Variants in CAMTA1 observed in about 807,000 individuals in gnomAD.
CAMTA1 encodes calmodulin binding transcription activator 1.
In CAMTA1, 27 loss-of-function variants were observed where a neutral mutation model predicts 170.9. That is an observed-to-expected ratio of 0.16 (90% CI 0.12 to 0.22). CAMTA1 has a LOEUF of 0.22. CAMTA1 is among the 10% of genes least tolerant of loss of function. The pLI is 1.00. For missense variants in CAMTA1, 1,619 were observed against 2,217.2 expected (o/e 0.73, Z 5.42); for synonymous variants, 833 against 891.5 (o/e 0.93, Z 1.17).
chr1:7,450,805 C>A (rs1259408948), intron 5 of CAMTA1, among the ~76,000 whole-genome samples: 1 of 152,228 alleles, frequency 6.6e-6, no homozygotes, highest in Non-Finnish European at 1.5e-5. Flanking sequence ...GGACCCATCA[C>A]AAGGCAGATA....
chr1:7,163,062 G>T (rs1337925740), intron 4 of CAMTA1, among the ~76,000 whole-genome samples: 1 of 152,002 alleles, frequency 6.6e-6, no homozygotes, highest in Non-Finnish European at 1.5e-5. Context: ...CTTCAAGATT[G>T]TGTAACAATA....
intron 5 of CAMTA1, among the ~76,000 whole-genome samples, chr1:7,335,004 A>C (rs377131628): frequency 1.0e-3 from 158 of 152,282 alleles, no homozygotes; most frequent in African/African-American, 3.7e-3. Flanking sequence ...GCTGAAGCTC[A>C]TACAGATCCC....
At chr1:7,369,913 A>C (rs1162566781) in intron 5 of CAMTA1, among the ~76,000 whole-genome samples, 2 of 152,212 alleles carry the variant, frequency 1.3e-5, no homozygotes, top group Non-Finnish European at 2.9e-5. Context: ...TGAATAGAGT[A>C]CTATGTAGGA....
At chr1:7,235,509 C>G (rs891489136) in intron 4 of CAMTA1, among the ~76,000 whole-genome samples, 1 of 152,140 alleles carries the variant, frequency 6.6e-6, no homozygotes, top group African/African-American at 2.4e-5. Context: ...CGCCTGTTGT[C>G]TCAGCTACTT....
chr1:7,057,215 T>G (rs1707475043), intron 3 of CAMTA1, among the ~76,000 whole-genome samples: 1 of 152,146 alleles, frequency 6.6e-6, no homozygotes. Context: ...GAATCCTATC[T>G]CCAGTTTTGC....
intron 9 of CAMTA1, among the ~76,000 whole-genome samples, chr1:7,667,992 A>AAT (rs2096016390): frequency 1.3e-5 from 2 of 152,278 alleles, no homozygotes; most frequent in African/African-American, 4.8e-5. Context: ...ACACCACAGC[A>AAT]GGGGTGCCCC....
At chr1:7,297,735 T>C (rs1674175646) in intron 5 of CAMTA1, among the ~76,000 whole-genome samples, 1 of 152,258 alleles carries the variant, frequency 6.6e-6, no homozygotes. Context: ...CTGTGCCCCA[T>C]CGTCCTGCAT....
At chr1:7,450,577 C>T (rs879529027) in intron 5 of CAMTA1, among the ~76,000 whole-genome samples, 2 of 152,244 alleles carry the variant, frequency 1.3e-5, no homozygotes, top group Non-Finnish European at 1.5e-5. Context: ...CTGCAGGCCC[C>T]ACCGCCTGCC....
intron 6 of CAMTA1, among the ~76,000 whole-genome samples, chr1:7,629,748 G>A (rs2095656365): frequency 6.6e-6 from 1 of 152,102 alleles, no homozygotes. Context: ...CTGCAGCAAG[G>A]ACGCCTCGGC....
chr1:7,457,357 C>G (rs1044564267), intron 5 of CAMTA1, among the ~76,000 whole-genome samples: 6 of 152,102 alleles, frequency 3.9e-5, no homozygotes, highest in African/African-American at 1.4e-4. Context: ...GTTAGGCCGG[C>G]GGCCGCTTTA....
In CAMTA1 at chr1:6,918,483, A is replaced by C. The variant is rs1292148907; in HGVS notation, c.234+93273A>C. ...TTGGAATAGAATGTTGTCACAGATA[A>C]ATGTCTCCCAATTGCATATAAATGT... is the stretch of plus-strand genomic sequence containing the variant. On this transcript the variant is annotated intron_variant, in intron 3 of 22. Coordinates refer to ENST00000303635, the MANE Select transcript of CAMTA1 (RefSeq NM_015215.4). The surrounding 1 kb of genome is among the most constrained non-coding windows in gnomAD (Gnocchi z 4.0). 6.6e-6 allele frequency among the ~76,000 whole-genome samples: 1 copy of C among 152,180 alleles called. No individual in the cohort carries two copies. Among genetic ancestry groups the C allele is most frequent in the African/African-American group, 2.4e-5 (1 of 41,446 alleles).
chr1:6,812,350 C>T (rs1570327333), intron 1 of CAMTA1, among the ~76,000 whole-genome samples: 1 of 152,106 alleles, frequency 6.6e-6, no homozygotes, highest in Non-Finnish European at 1.5e-5. Flanking sequence ...TTAATGTGTG[C>T]TTTGCTACCT....
At chr1:7,723,857 A>C (rs1050357538) in intron 11 of CAMTA1, among the ~76,000 whole-genome samples, 1 of 152,216 alleles carries the variant, frequency 6.6e-6, no homozygotes, top group African/African-American at 2.4e-5. Context: ...TGTCACCCAG[A>C]CTGGCAGGCT....
intron 11 of CAMTA1, among the ~76,000 whole-genome samples, chr1:7,705,697 G>A (rs955141194): frequency 6.6e-6 from 1 of 152,154 alleles, no homozygotes. Context: ...GGCGAGGTGC[G>A]GGCACAGCCC....
chr1:7,411,526 C>G (rs561313466), intron 5 of CAMTA1, among the ~76,000 whole-genome samples: 1,372 of 67,738 alleles, frequency 0.02, 11 homozygotes, highest in South Asian at 0.062. Flanking sequence ...TGAGACTCTG[C>G]CTCAAAAAAA....
intron 3 of CAMTA1, among the ~76,000 whole-genome samples, chr1:7,068,980 C>G (rs924763312): frequency 6.6e-6 from 1 of 152,188 alleles, no homozygotes; most frequent in African/African-American, 2.4e-5. Flanking sequence ...AACCCAGGGA[C>G]GGTGGGAGGA....
intron 6 of CAMTA1, among the ~76,000 whole-genome samples, chr1:7,471,518 T>C (rs2093329679): frequency 6.6e-6 from 1 of 152,232 alleles, no homozygotes; most frequent in South Asian, 2.1e-4. Context: ...GGGGGCTCTG[T>C]GTCACAGCTG....
chr1:7,499,344 G>C (rs1464133775), intron 6 of CAMTA1, among the ~76,000 whole-genome samples: 5 of 139,916 alleles, frequency 3.6e-5, no homozygotes, highest in African/African-American at 1.4e-4. Flanking sequence ...GTGTAGAGAG[G>C]ATTGTGTGAG....
At chr1:7,509,755 G>A (rs1295820438) in intron 6 of CAMTA1, among the ~76,000 whole-genome samples, 2 of 152,042 alleles carry the variant, frequency 1.3e-5, no homozygotes, top group African/African-American at 4.8e-5. Context: ...ACATCCAGTC[G>A]GCCTACAACA....
Sources: gnomAD v4.1 joint callset for allele counts (sites outside exome capture counted in the v4.1 genomes callset) on GRCh38, gnomAD v4.1.1 for gene constraint, Gnocchi (gnomAD v3.1) non-coding constraint, MANE v1.5 for transcripts, NCBI Gene and HGNC (gene_info 2026-07-23, HGNC 2026-07-21) for gene names.